NKAIN3: variants seen among roughly 807,000 people sequenced by gnomAD.
NKAIN3 encodes the protein sodium/potassium transporting ATPase interacting 3.
NKAIN3 carries 25 observed loss-of-function variants against 30.2 expected under a neutral mutation model. That is an observed-to-expected ratio of 0.83 (90% CI 0.60 to 1.16). The LOEUF (loss-of-function observed/expected upper bound fraction) is 1.16, where lower values mean the gene tolerates loss of function less well. Ranked by LOEUF, NKAIN3 falls within the 50% of genes most tolerant of loss-of-function variation. The probability of loss-of-function intolerance (pLI) is 0.00; values close to 1 mark genes in which losing one functional copy is unlikely to be tolerated. For synonymous variants in NKAIN3, 91 were observed against 89.6 expected (o/e 1.02, Z -0.09); for missense variants, 225 against 254.1 (o/e 0.89, Z 0.78).
At chr8:62,338,059 G>A (rs777334751) in intron 1 of NKAIN3, among the ~76,000 whole-genome samples, 8 of 151,906 alleles carry the variant, frequency 5.3e-5, no homozygotes, top group Non-Finnish European at 1.2e-4. Context: ...TTTGATATAT[G>A]TTATTTATTA....
chr8:62,880,369 G>A (rs1820937160), intron 4 of NKAIN3, among the ~76,000 whole-genome samples: 1 of 152,106 alleles, frequency 6.6e-6, no homozygotes, highest in East Asian at 1.9e-4. Flanking sequence ...TGACTTAACA[G>A]AAGACAGATC....
intron 1 of NKAIN3, among the ~76,000 whole-genome samples, chr8:62,450,278 A>G (rs140342885): frequency 6.6e-6 from 1 of 152,218 alleles, no homozygotes; most frequent in Admixed American, 6.5e-5. Context: ...TGGAGTGAGG[A>G]TAGGATCCCT....
intron 3 of NKAIN3, among the ~76,000 whole-genome samples, chr8:62,627,727 G>C (rs148074995): frequency 6.6e-6 from 1 of 152,036 alleles, no homozygotes; most frequent in African/African-American, 2.4e-5. Flanking sequence ...TAAAATAGAG[G>C]ACAAGAAATA....
At chr8:62,523,708 C>A (rs1397815346) in intron 1 of NKAIN3, among the ~76,000 whole-genome samples, 1 of 152,102 alleles carries the variant, frequency 6.6e-6, no homozygotes, top group African/African-American at 2.4e-5. Flanking sequence ...AGTGGGGCAT[C>A]TCTGGATTTC....
At chr8:62,868,645 G>A (rs374437833) in intron 4 of NKAIN3, among the ~76,000 whole-genome samples, 241 of 152,256 alleles carry the variant, frequency 1.6e-3, no homozygotes, top group African/African-American at 5.5e-3. Flanking sequence ...TTTCATGCAT[G>A]TGAATGCTTA....
intron 4 of NKAIN3, among the ~76,000 whole-genome samples, chr8:62,808,725 A>G (rs1818386539): frequency 6.6e-6 from 1 of 152,158 alleles, no homozygotes; most frequent in Admixed American, 6.6e-5. Context: ...GGCAATAAAA[A>G]ATATCACAAG....
intron 4 of NKAIN3, among the ~76,000 whole-genome samples, chr8:62,824,969 A>G (rs11986494): frequency 0.011 from 1,632 of 152,264 alleles, 26 homozygotes; most frequent in African/African-American, 0.037. Context: ...AGAACCCAAA[A>G]AGTATTTAGA....
At chr8:62,405,424 G>T (rs1057005604) in intron 1 of NKAIN3, among the ~76,000 whole-genome samples, 2 of 152,226 alleles carry the variant, frequency 1.3e-5, no homozygotes, top group African/African-American at 4.8e-5. Context: ...GGAGCTGCAA[G>T]AACTCAGGTT....
chr8:62,560,377 T>G (rs995011492), intron 1 of NKAIN3, among the ~76,000 whole-genome samples: 1 of 152,054 alleles, frequency 6.6e-6, no homozygotes, highest in South Asian at 2.1e-4. Flanking sequence ...CTCCTCTCTT[T>G]CCAGTATTCT....
At chr8:62,760,185 A>G (rs1816603494) in intron 4 of NKAIN3, among the ~76,000 whole-genome samples, 1 of 152,198 alleles carries the variant, frequency 6.6e-6, no homozygotes, top group Non-Finnish European at 1.5e-5. Flanking sequence ...GTGAGACTGT[A>G]AACTAGTTCA....
Position 62,450,745 on chromosome 8 carries a change from A to G in NKAIN3, c.55-128794A>G, listed in dbSNP as rs1328460124. On this transcript the variant is annotated intron_variant, in intron 1 of 6. Coordinates refer to ENST00000623646, the MANE Select transcript of NKAIN3 (RefSeq NM_001304533.3). ...TTGTGTAGTCTGAGATTCTCATGTA[A>G]TCTACACCATAGCTCAGGATCAGAA... Among the ~76,000 whole-genome samples, 9 of 152,132 alleles carry G rather than the reference A, an allele frequency of 5.9e-5. No homozygotes were observed. In the East Asian group the frequency reaches 1.7e-3, roughly 29 times the overall value.
intron 5 of NKAIN3, among the ~76,000 whole-genome samples, chr8:62,926,194 A>G (rs1309500031): frequency 6.6e-6 from 1 of 152,210 alleles, no homozygotes; most frequent in Admixed American, 6.5e-5. Flanking sequence ...TAAGGATTTC[A>G]TGAGGATCTT....
At chr8:62,924,248 G>C (rs1822370882) in intron 5 of NKAIN3, among the ~76,000 whole-genome samples, 2 of 152,120 alleles carry the variant, frequency 1.3e-5, no homozygotes, top group East Asian at 1.9e-4. Context: ...CAGCTTAGCT[G>C]TCTCTTCTGA....
chr8:62,985,525 C>T (rs986008052), downstream of NKAIN3, among the ~76,000 whole-genome samples: 1 of 152,158 alleles, frequency 6.6e-6, no homozygotes, highest in Non-Finnish European at 1.5e-5. Context: ...AAAACATCCT[C>T]CACCACAACC....
intron 1 of NKAIN3, among the ~76,000 whole-genome samples, chr8:62,499,332 G>T (rs1019781349): frequency 6.6e-6 from 1 of 151,938 alleles, no homozygotes. Flanking sequence ...CAACTTCGCA[G>T]TACTCATGGT....
intron 4 of NKAIN3, among the ~76,000 whole-genome samples, chr8:62,787,979 G>T (rs200906897): frequency 5.9e-5 from 9 of 152,052 alleles, no homozygotes; most frequent in Middle Eastern, 6.9e-3. Flanking sequence ...GAATAGTGCC[G>T]CAATAAACAT....
intron 4 of NKAIN3, among the ~76,000 whole-genome samples, chr8:62,818,358 A>G (rs542587196): frequency 2.0e-5 from 3 of 152,294 alleles, no homozygotes; most frequent in East Asian, 3.9e-4. Context: ...TACAAATATC[A>G]AATTGCTTTT....
chr8:62,624,122 A>G (rs1019683963), intron 3 of NKAIN3, among the ~76,000 whole-genome samples: 2 of 152,090 alleles, frequency 1.3e-5, no homozygotes, highest in African/African-American at 4.8e-5. Context: ...TGTAATGACC[A>G]GTGAGGATGA....
At chr8:62,807,480 C>G (rs1033163018) in intron 4 of NKAIN3, among the ~76,000 whole-genome samples, 4 of 150,928 alleles carry the variant, frequency 2.7e-5, no homozygotes, top group Admixed American at 6.6e-5. Flanking sequence ...ACTTTCTTCT[C>G]TACTGTCTTC....
Sources: allele counts gnomAD v4.1 joint callset (sites outside exome capture counted in the v4.1 genomes callset), GRCh38; gene constraint gnomAD v4.1.1; transcripts MANE v1.5; gene names NCBI Gene and HGNC (gene_info 2026-07-23, HGNC 2026-07-21).